FAT4: variants seen among roughly 807,000 people sequenced by gnomAD.
FAT4 encodes the protein FAT atypical cadherin 4.
Under a neutral mutation model 303.9 loss-of-function variants are expected in FAT4, and 84 were observed. The ratio of observed to expected loss-of-function variants is 0.28; its 90% CI spans 0.23 to 0.33. FAT4 has a LOEUF of 0.33. FAT4 is among the 10% of genes least tolerant of loss of function. The pLI is 1.00. For synonymous variants in FAT4, 2,307 were observed against 2,298.8 expected (o/e 1.00, Z -0.10); for missense variants, 6,005 against 6,146.8 (o/e 0.98, Z 0.77).
intron 2 of FAT4, among the ~76,000 whole-genome samples, chr4:125,375,131 G>T (rs1733264383): frequency 6.6e-6 from 1 of 152,106 alleles, no homozygotes; most frequent in Non-Finnish European, 1.5e-5. Flanking sequence ...ATAACATTTA[G>T]TGACAAAGTG....
chr4:125,406,426 G>T (rs1734609390), intron 3 of FAT4, among the ~76,000 whole-genome samples: 1 of 152,094 alleles, frequency 6.6e-6, no homozygotes, highest in Non-Finnish European at 1.5e-5. Context: ...AAATCAGGAA[G>T]CACAATACCT....
At chr4:125,440,623 G>GAGAGAGAC (rs1253361142) in intron 8 of FAT4, among the ~76,000 whole-genome samples, 2 of 146,724 alleles carry the variant, frequency 1.4e-5, no homozygotes, top group Non-Finnish European at 3.1e-5. Context: ...GAGAGAGAGA[G>GAGAGAGAC]AGAGAGAGAG....
At position 125,452,407 on chromosome 4, in the gene FAT4, G is replaced by T; in HGVS notation, c.11397G>T (p.Lys3799Asn). Reference sequence around the variant, plus strand: ...TCCTTCTCCGGCAGAGTGGAGTAAAGGTGGAATCTGTGGATCATGACTCCT... The same window carrying T: ...TCCTTCTCCGGCAGAGTGGAGTAAATGTGGAATCTGTGGATCATGACTCCT... ...KEILLRQSGV[K>N]VESVDHDSCV... The change falls in exon 10 of 18, where the codon AAG becomes AAT. Residue 3799 changes from lysine (K) to asparagine (N), a missense_variant. By Grantham distance (94) the Lys-to-Asn change is moderately conservative. Transcript: ENST00000394329. The T allele has an allele frequency of 6.2e-7, 1 of 1,614,128 alleles. No homozygotes were observed. The highest frequency in any genetic ancestry group is 8.5e-7 in the Non-Finnish European group (1 of 1,180,026).
chr4:125,480,051 A>G (rs1344715645), intron 15 of FAT4, among the ~76,000 whole-genome samples, 186 bp downstream of exon 15: 3 of 152,198 alleles, frequency 2.0e-5, no homozygotes, highest in African/African-American at 7.2e-5. Flanking sequence ...AAGAAGAATG[A>G]TATCCTTTTA....
intron 2 of FAT4, among the ~76,000 whole-genome samples, chr4:125,338,088 T>A (rs1560766943): frequency 6.6e-6 from 1 of 152,194 alleles, no homozygotes; most frequent in African/African-American, 2.4e-5. Flanking sequence ...TTGAGAACTA[T>A]GTAAATGACA....
chr4:125,331,609 A>G (rs1165383373), intron 2 of FAT4, among the ~76,000 whole-genome samples: 1 of 152,190 alleles, frequency 6.6e-6, no homozygotes, highest in Non-Finnish European at 1.5e-5. Flanking sequence ...ATCACAGTGT[A>G]TGCTACACCA....
chr4:125,320,228 T>G lies in FAT4; in HGVS notation c.3817T>G (p.Leu1273Val). The change falls in exon 2 of 18, where the codon TTA becomes GTA. Residue 1273 changes from leucine (L) to valine (V), a missense_variant. Coordinates refer to ENST00000394329, the MANE Select transcript of FAT4 (RefSeq NM_001291303.3). ...TSGQVTLIGK[L>V]DYEATPAYSL... ...TGGTCAGGTAACACTAATTGGCAAATTAGACTATGAAGCAACACCTGCCTA... is the reference window on the plus strand; with the variant it reads ...TGGTCAGGTAACACTAATTGGCAAAGTAGACTATGAAGCAACACCTGCCTA... 1 of 1,614,082 alleles carries G rather than the reference T, an allele frequency of 6.2e-7. No homozygotes were observed. Among genetic ancestry groups the G allele is most frequent in the South Asian group, 1.1e-5 (1 of 91,086 alleles).
chr4:125,329,419 C>G (rs1490294587), intron 2 of FAT4, among the ~76,000 whole-genome samples: 1 of 152,186 alleles, frequency 6.6e-6, no homozygotes, highest in East Asian at 1.9e-4. Flanking sequence ...GCTTCCGAGT[C>G]ATCATATTCT....
chr4:125,474,070 T>C (rs981624575), intron 12 of FAT4, among the ~76,000 whole-genome samples: 1 of 151,998 alleles, frequency 6.6e-6, no homozygotes, highest in African/African-American at 2.4e-5. Context: ...AATTCAACAG[T>C]AAAAGAGAAT....
At chr4:125,402,525 C>T (rs997839247) in intron 3 of FAT4, among the ~76,000 whole-genome samples, 2 of 151,972 alleles carry the variant, frequency 1.3e-5, no homozygotes, top group African/African-American at 4.8e-5. Context: ...GTCTTAGACT[C>T]AGCTGTTCCA....
chr4:125,373,228 A>G (rs1018038712), intron 2 of FAT4, among the ~76,000 whole-genome samples: 6 of 152,266 alleles, frequency 3.9e-5, no homozygotes, highest in South Asian at 2.1e-4. Flanking sequence ...TTTTTAGTCA[A>G]GTAATAATAA....
chr4:125,374,104 T>G (rs1733227412), intron 2 of FAT4, among the ~76,000 whole-genome samples: 1 of 152,148 alleles, frequency 6.6e-6, no homozygotes, highest in Non-Finnish European at 1.5e-5. Flanking sequence ...TTCAAAGGCA[T>G]CAGATGAAAT....
intron 2 of FAT4, among the ~76,000 whole-genome samples, chr4:125,358,692 G>A (rs1732533101): frequency 6.6e-6 from 1 of 152,068 alleles, no homozygotes. Context: ...ACTGCTCACC[G>A]CTCACCTCCT....
chr4:125,318,943 C>A lies in FAT4; in HGVS notation c.2532C>A (p.Val844=). ...AAGGTATGTTTGCTATCAACCAGGT[C>A]ACTGGGCAGCTTACCACAGCAAATG... is the stretch of plus-strand genomic sequence containing the variant. ...DQKGMFAINQ[V]TGQLTTANVI... The change falls in exon 2 of 18, where the codon GTC becomes GTA. Residue 844 remains valine, a synonymous_variant. Transcript: ENST00000394329. The A allele has an allele frequency of 6.2e-7, 1 of 1,614,114 alleles. No homozygotes were observed. The highest frequency in any genetic ancestry group is 8.5e-7 in the Non-Finnish European group (1 of 1,180,024).
chr4:125,374,247 G>A (rs1013549739), intron 2 of FAT4, among the ~76,000 whole-genome samples: 2 of 152,134 alleles, frequency 1.3e-5, no homozygotes, highest in Non-Finnish European at 2.9e-5. Context: ...GTTGTAAAAG[G>A]AAACTGAGTG....
intron 7 of FAT4, 40 bp downstream of exon 7, chr4:125,416,662 T>G: frequency 6.2e-7 from 1 of 1,601,156 alleles, no homozygotes; most frequent in Non-Finnish European, 8.5e-7. Context: ...AGATAATTTC[T>G]AGGCCAGGCA....
At chr4:125,458,236 G>C (rs1726355517) in intron 10 of FAT4, among the ~76,000 whole-genome samples, 1 of 151,992 alleles carries the variant, frequency 6.6e-6, no homozygotes, top group Non-Finnish European at 1.5e-5. Flanking sequence ...CAGGAAAGAT[G>C]AGGTTTGTTC....
chr4:125,335,558 CG>C (rs1731540354), intron 2 of FAT4, among the ~76,000 whole-genome samples: 1 of 151,658 alleles, frequency 6.6e-6, no homozygotes, highest in Admixed American at 6.6e-5. Context: ...TTATAATACA[CG>C]GAGGAAACAT....
chr4:125,396,022 C>T (rs1009918999), intron 2 of FAT4, among the ~76,000 whole-genome samples: 1 of 152,028 alleles, frequency 6.6e-6, no homozygotes, highest in African/African-American at 2.4e-5. Context: ...GATCCAGATT[C>T]CAGATGTGAA....
Sources: gnomAD v4.1 joint callset for allele counts (sites outside exome capture counted in the v4.1 genomes callset) on GRCh38, gnomAD v4.1.1 for gene constraint, MANE v1.5 for transcripts, NCBI Gene and HGNC (gene_info 2026-07-23, HGNC 2026-07-21) for gene names.